Variants in IGF2BP3 observed in about 807,000 individuals in gnomAD.
IGF2BP3 encodes insulin like growth factor 2 mRNA binding protein 3, also known as insulin-like growth factor 2 mRNA-binding protein 3.
A neutral mutation model predicts 73.8 loss-of-function variants in IGF2BP3; 9 were observed. The ratio of observed to expected loss-of-function variants is 0.12; its 90% CI spans 0.07 to 0.21. IGF2BP3 has a LOEUF of 0.21. IGF2BP3 is among the 10% of genes least tolerant of loss of function. IGF2BP3 has a pLI of 1.00. For missense variants in IGF2BP3, 542 were observed against 714.0 expected, an observed-to-expected ratio of 0.76 and a Z score of 2.75; for synonymous variants, 258 against 256.7, an observed-to-expected ratio of 1.01 and a Z score of -0.05.
At chr7:23,380,353 C>T (rs1409935808) in intron 3 of IGF2BP3, among the ~76,000 whole-genome samples, 4 of 151,704 alleles carry the variant, frequency 2.6e-5, no homozygotes, top group South Asian at 2.1e-4. Flanking sequence ...TTAGTAGAGA[C>T]GGGGTTTCAC....
chr7:23,383,417 C>T (rs939609986), intron 3 of IGF2BP3, among the ~76,000 whole-genome samples: 10 of 152,158 alleles, frequency 6.6e-5, no homozygotes, highest in South Asian at 4.2e-4. Context: ...CAAATGCAGA[C>T]GAAAACCACA....
At chr7:23,330,420 C>T (rs1583893416) in intron 10 of IGF2BP3, among the ~76,000 whole-genome samples, 1 of 151,630 alleles carries the variant, frequency 6.6e-6, no homozygotes, top group African/African-American at 2.4e-5. Flanking sequence ...CTAGAACTGT[C>T]ACTCGAGGGG....
chr7:23,349,423 A>G (rs1583918109), intron 6 of IGF2BP3, among the ~76,000 whole-genome samples: 2 of 152,362 alleles, frequency 1.3e-5, no homozygotes, highest in Admixed American at 1.3e-4. Flanking sequence ...ATAGTGTCTT[A>G]GATAACAGTC....
chr7:23,312,500 A>G (rs774342901), intron 14 of IGF2BP3, 40 bp from the exon 15 acceptor site: 44 of 1,387,448 alleles, frequency 3.2e-5, no homozygotes, highest in Non-Finnish European at 4.2e-5. Flanking sequence ...CTTGATCAAA[A>G]GCTACTAAAA....
chr7:23,368,308 G>A (rs1485356173), intron 3 of IGF2BP3, among the ~76,000 whole-genome samples: 1 of 123,690 alleles, frequency 8.1e-6, no homozygotes, highest in African/African-American at 3.1e-5. Context: ...GACAGAAAGA[G>A]AGAAAGAGAG....
chr7:23,341,355 A>G (rs548106465), intron 10 of IGF2BP3, among the ~76,000 whole-genome samples: 30 of 152,314 alleles, frequency 2.0e-4, no homozygotes, highest in African/African-American at 7.0e-4. Context: ...AGCCTTTAAA[A>G]AATCTTTTCC....
intron 3 of IGF2BP3, among the ~76,000 whole-genome samples, chr7:23,393,794 G>A (rs1370521062): frequency 1.3e-5 from 2 of 152,206 alleles, no homozygotes; most frequent in East Asian, 3.9e-4. Flanking sequence ...TCCACAGCCT[G>A]TGTGAGAAGG....
intron 10 of IGF2BP3, among the ~76,000 whole-genome samples, chr7:23,337,966 C>T (rs919894600): frequency 6.6e-6 from 1 of 152,206 alleles, no homozygotes; most frequent in East Asian, 1.9e-4. Flanking sequence ...CCACTTCCAG[C>T]CTTGGATTGT....
intron 3 of IGF2BP3, among the ~76,000 whole-genome samples, chr7:23,374,089 T>A (rs1785643506): frequency 6.6e-6 from 1 of 152,172 alleles, no homozygotes; most frequent in African/African-American, 2.4e-5. Context: ...CCTCAGGTAT[T>A]CCTTTACAGC....
intron 2 of IGF2BP3, among the ~76,000 whole-genome samples, chr7:23,432,791 C>T (rs1408732908): frequency 1.3e-5 from 2 of 152,202 alleles, no homozygotes; most frequent in Non-Finnish European, 2.9e-5. Context: ...CAGGCATGCG[C>T]TACCGCACCC....
chr7:23,389,291 G>A (rs1013562955), intron 3 of IGF2BP3, among the ~76,000 whole-genome samples: 18 of 151,850 alleles, frequency 1.2e-4, no homozygotes, highest in African/African-American at 4.4e-4. Context: ...CTCCTGAGTA[G>A]GTGGGATTAC....
intron 10 of IGF2BP3, among the ~76,000 whole-genome samples, chr7:23,326,256 G>A (rs1427448765): frequency 6.6e-6 from 1 of 152,138 alleles, no homozygotes; most frequent in Non-Finnish European, 1.5e-5. Flanking sequence ...AGTGGGCCAA[G>A]GACATGAACA....
At chr7:23,397,759 G>T (rs1206071076) in intron 3 of IGF2BP3, among the ~76,000 whole-genome samples, 5 of 152,188 alleles carry the variant, frequency 3.3e-5, no homozygotes, top group Non-Finnish European at 7.3e-5. Flanking sequence ...TGACACTTGA[G>T]TGCTGATTAC....
chr7:23,416,573 T>A (rs189497117), intron 3 of IGF2BP3, among the ~76,000 whole-genome samples: 1 of 152,366 alleles, frequency 6.6e-6, no homozygotes, highest in East Asian at 1.9e-4. Flanking sequence ...TGTGGTGACA[T>A]GTATATTCTA....
At chr7:23,441,574 T>TAAAAAAAAAAAAAAAAAA (rs769391858) in intron 2 of IGF2BP3, among the ~76,000 whole-genome samples, 1 of 56,948 alleles carries the variant, frequency 1.8e-5, no homozygotes, top group Non-Finnish European at 3.2e-5. Context: ...CTCCATCTCT[T>TAAAAAAAAAAAAAAAAAA]AAAAAAAAAA....
At chr7:23,316,944 C>T (rs1385997497) in intron 12 of IGF2BP3, among the ~76,000 whole-genome samples, 1 of 152,168 alleles carries the variant, frequency 6.6e-6, no homozygotes, top group Non-Finnish European at 1.5e-5. Flanking sequence ...AAACCTTAAA[C>T]TACCTTAGGA....
chr7:23,342,829 G>A (rs1784744909), intron 9 of IGF2BP3, among the ~76,000 whole-genome samples: 1 of 152,180 alleles, frequency 6.6e-6, no homozygotes, highest in African/African-American at 2.4e-5. Context: ...AAAGGCCTAA[G>A]GGGGTTAGAT....
chr7:23,372,843 A>G (rs1785599491), intron 3 of IGF2BP3, among the ~76,000 whole-genome samples: 1 of 152,162 alleles, frequency 6.6e-6, no homozygotes, highest in Non-Finnish European at 1.5e-5. Context: ...TTTAACTCAA[A>G]TCCACACAAT....
At chr7:23,336,669 C>T (rs1784581912) in intron 10 of IGF2BP3, among the ~76,000 whole-genome samples, 2 of 152,168 alleles carry the variant, frequency 1.3e-5, no homozygotes, top group East Asian at 1.9e-4. Flanking sequence ...AAGAATAGGC[C>T]GGCTGCAGTG....
Sources: gnomAD v4.1 joint callset for allele counts (sites outside exome capture counted in the v4.1 genomes callset) on GRCh38, gnomAD v4.1.1 for gene constraint, MANE v1.5 for transcripts, NCBI Gene and HGNC (gene_info 2026-07-23, HGNC 2026-07-21) for gene names.